Variants in FPGT observed in about 807,000 individuals in gnomAD.
FPGT encodes the protein fucose-1-phosphate guanylyltransferase.
Under a neutral mutation model 45.8 loss-of-function variants are expected in FPGT, and 41 were observed. That is an observed-to-expected ratio of 0.90 (90% CI 0.70 to 1.16). The LOEUF (loss-of-function observed/expected upper bound fraction) is 1.16. FPGT is among the 50% of genes most tolerant of loss of function. FPGT has a pLI of 0.00. For synonymous variants in FPGT, 292 were observed against 247.2 expected (o/e 1.18, Z -1.70); for missense variants, 755 against 689.1 (o/e 1.10, Z -1.07).
rs753129487 is a variant in FPGT, at chr1:74,198,394, A to G, written c.82+34A>G. 10 of 1,612,320 alleles carry G rather than the reference A, an allele frequency of 6.2e-6. No individual in the cohort carries two copies. In the African/African-American group the frequency reaches 6.7e-5, roughly 11 times the overall value. On this transcript the variant is annotated intron_variant, in intron 1 of 3. Transcript: ENST00000370898. ...GAAGGCACCGGAGTTCTCCTGGGCAATGCAGAGGGAGGGTGCTTTTACGTG... is the reference window on the plus strand; with the variant it reads ...GAAGGCACCGGAGTTCTCCTGGGCAGTGCAGAGGGAGGGTGCTTTTACGTG...
In FPGT at chr1:74,204,931, G is replaced by A; in HGVS notation, c.884G>A (p.Ser295Asn). ...TTTTATGAAAAAATAGGCACACTGA[G>A]CTGTGAAATAGATGCCTATGGTGAC... ...LAFYEKIGTLSCEIDAYGDFL... is the reference protein window; with the variant it reads ...LAFYEKIGTLNCEIDAYGDFL... Residue 295 changes from serine (S) to asparagine (N), a missense_variant, in exon 4 of 4, where the codon AGC becomes AAC. Coordinates refer to ENST00000370898, the MANE Select transcript of FPGT (RefSeq NM_003838.5). 2 of 1,614,048 alleles carry A rather than the reference G, an allele frequency of 1.2e-6. No homozygotes were observed. Among genetic ancestry groups the A allele is most frequent in the Non-Finnish European group, 1.7e-6 (2 of 1,179,962 alleles).
At chr1:74,204,103 T>C (rs1652056410) in intron 3 of FPGT, among the ~76,000 whole-genome samples, 1 of 152,068 alleles carries the variant, frequency 6.6e-6, no homozygotes, top group Non-Finnish European at 1.5e-5. Flanking sequence ...TTCTTATTTG[T>C]TATACATGTA....
In FPGT at chr1:74,205,164, A is replaced by G. The variant is rs142921883; in HGVS notation, c.1117A>G (p.Asn373Asp). ...EEYLFYFTSD[N>D]SLKSELGLQS... ...ATATTTGTTTTACTTTACCTCAGAT[A>G]ACAGTTTAAAGTCAGAGCTCGGCTT... Residue 373 changes from asparagine to aspartate, a missense_variant, in exon 4 of 4, where the codon AAC (asparagine) becomes GAC (aspartate). By Grantham distance (23) the Asn-to-Asp change is conservative (BLOSUM62 1). Coordinates refer to ENST00000370898, the MANE Select transcript of FPGT (RefSeq NM_003838.5). 2.5e-6 allele frequency: 4 copies of G among 1,613,362 alleles called. No individual in the cohort carries two copies. In the African/African-American group the frequency reaches 4.0e-5, roughly 16 times the overall value.
Position 74,202,198 on chromosome 1 carries a change from T to G in FPGT, c.343+788T>G, listed in dbSNP as rs1465142487. On this transcript the variant is annotated intron_variant, in intron 3 of 3. Transcript: ENST00000370898. ...TAGTTGTGTGAAAATTTTGGTTACATGAAAACCTTTGTTGTTTTTCTATGT... is the reference window on the plus strand; with the variant it reads ...TAGTTGTGTGAAAATTTTGGTTACAGGAAAACCTTTGTTGTTTTTCTATGT... 3.3e-5 allele frequency among the ~76,000 whole-genome samples: 5 copies of G among 152,232 alleles called. No individual in the cohort carries two copies. In the East Asian group the frequency reaches 9.6e-4, roughly 29 times the overall value.
chr1:74,201,620 T>G (rs1417123426), intron 3 of FPGT, among the ~76,000 whole-genome samples: 1 of 152,230 alleles, frequency 6.6e-6, no homozygotes, highest in African/African-American at 2.4e-5. Context: ...CTCGTAAAAT[T>G]GTAGATCACG....
At position 74,204,917 on chromosome 1, in the gene FPGT, A is replaced by T. The variant is rs201427641; in HGVS notation, c.870A>T (p.Lys290Asn). 1.2e-6 allele frequency: 2 copies of T among 1,613,942 alleles called. No homozygotes were observed. Among genetic ancestry groups the T allele is most frequent in the South Asian group, 1.1e-5 (1 of 91,056 alleles). The change falls in exon 4 of 4, where the codon AAA becomes AAT. Residue 290 changes from lysine (K) to asparagine (N), a missense_variant. Physicochemically the swap from Lys to Asn is moderately conservative, Grantham distance 94 (BLOSUM62 0). Transcript: ENST00000370898. ...SAKMLLAFYE[K>N]IGTLSCEIDA... ...AAATGTTACTTGCTTTTTATGAAAAAATAGGCACACTGAGCTGTGAAATAG... is the reference window on the plus strand; with the variant it reads ...AAATGTTACTTGCTTTTTATGAAAATATAGGCACACTGAGCTGTGAAATAG...
In FPGT at chr1:74,199,736, C is replaced by G; in HGVS notation, c.155C>G (p.Ala52Gly). 6.2e-7 allele frequency: 1 copy of G among 1,614,090 alleles called. No homozygotes were observed. Among genetic ancestry groups the G allele is most frequent in the Non-Finnish European group, 8.5e-7 (1 of 1,180,000 alleles). Reference sequence around the variant, plus strand: ...GCGGCTGATGAAAAACAGGAACTTGCTTACAACCAACAGCTGTCAGAAAAG... The same window carrying G: ...GCGGCTGATGAAAAACAGGAACTTGGTTACAACCAACAGCTGTCAGAAAAG... Reference protein sequence around the residue: ...ITAADEKQELAYNQQLSEKLK... With the variant: ...ITAADEKQELGYNQQLSEKLK... Residue 52 changes from alanine to glycine, a missense_variant, in exon 2 of 4, where the codon GCT (alanine) becomes GGT (glycine). By Grantham distance (60) the Ala-to-Gly change is moderately conservative. Transcript: ENST00000370898.
At chr1:74,198,522 C>A (rs952027028) in intron 1 of FPGT, 162 bp downstream of exon 1, 9 of 921,244 alleles carry the variant, frequency 9.8e-6, no homozygotes, top group South Asian at 3.3e-5. Flanking sequence ...GTTTTTTATT[C>A]TTTTCACTGT....
rs374701961 is a variant in FPGT, at chr1:74,204,710, C to T, written c.663C>T (p.Tyr221=). 3.1e-6 allele frequency: 5 copies of T among 1,612,470 alleles called. No homozygotes were observed. The highest frequency in any genetic ancestry group is 4.2e-6 in the Non-Finnish European group (5 of 1,178,530). ...ATTTAAAACATAGAGACCTTGAATA[C>T]AGGTCTTGCCATCGTTTCCTTCATA... The part of the protein sequence containing the change: ...FDDLKHRDLE[Y]RSCHRFLHKP... The change falls in exon 4 of 4, where the codon TAC becomes TAT. Residue 221 remains tyrosine (Y), a synonymous_variant. Transcript: ENST00000370898.
chr1:74,203,141 G>A (rs1651946889), intron 3 of FPGT, among the ~76,000 whole-genome samples: 1 of 152,090 alleles, frequency 6.6e-6, no homozygotes, highest in African/African-American at 2.4e-5. Flanking sequence ...ATAATTGTAT[G>A]TTCTGTAGTT....
Position 74,198,343 on chromosome 1 carries a change from G to A in FPGT, c.65G>A (p.Arg22Lys). The part of the protein sequence containing the change: ...LREATQRKLR[R>K]FSELRGKLVA... ...GAAGCCACCCAGCGAAAATTGCGGAGGTTTTCCGAGCTAAGAGGTACCAGA... is the reference window on the plus strand; with the variant it reads ...GAAGCCACCCAGCGAAAATTGCGGAAGTTTTCCGAGCTAAGAGGTACCAGA... Residue 22 changes from arginine to lysine, a missense_variant, in exon 1 of 4, where the codon AGG becomes AAG. Coordinates refer to ENST00000370898, the MANE Select transcript of FPGT (RefSeq NM_003838.5). The A allele has an allele frequency of 6.2e-7, 1 of 1,614,158 alleles. No individual in the cohort carries two copies. The highest frequency in any genetic ancestry group is 8.5e-7 in the Non-Finnish European group (1 of 1,180,026).
rs894558123 is a variant in FPGT, at chr1:74,204,275, TA to T, written c.344-113del. The stretch of plus-strand genomic sequence containing the variant: ...ATTTGCAGTAACAAGTGGCATATAT[TA>T]AATATCGTTAAATATATTTTGATTT... On this transcript the variant is annotated intron_variant, in intron 3 of 3. Transcript: ENST00000370898. 5.0e-6 allele frequency: 3 copies of T among 598,834 alleles called. No individual in the cohort carries two copies. The African/African-American group carries it at 5.7e-5, about 11-fold the overall frequency. 37.1% of individuals were successfully genotyped at this position (598,834 alleles called of 1,614,324 possible).
intron 3 of FPGT, among the ~76,000 whole-genome samples, chr1:74,203,447 G>A (rs966503610): frequency 6.6e-5 from 10 of 151,274 alleles, no homozygotes; most frequent in Non-Finnish European, 1.5e-4. Flanking sequence ...GGAGTGCAGT[G>A]GCACGATCTC....
chr1:74,205,202 T>G lies in FPGT; in HGVS notation c.1155T>G (p.Thr385=). Residue 385 remains threonine, a synonymous_variant, in exon 4 of 4, where the codon ACT becomes ACG. Coordinates refer to ENST00000370898, the MANE Select transcript of FPGT (RefSeq NM_003838.5). ...LKSELGLQSI[T]FSIFPDIPEC... is the part of the protein sequence containing the mutation. ...CAGAGCTCGGCTTACAGTCCATAAC[T>G]TTTAGTATCTTTCCAGATATACCAG... 6.2e-7 allele frequency: 1 copy of G among 1,613,984 alleles called. No homozygotes were observed.
chr1:74,201,500 C>G, intron 3 of FPGT, 90 bp downstream of exon 3: 1 of 769,646 alleles, frequency 1.3e-6, no homozygotes, highest in Non-Finnish European at 2.0e-6. Flanking sequence ...AAACACTTTC[C>G]TTCTTTTTTA....
rs1651399364 is a variant in FPGT, at chr1:74,198,310, C to T, written c.32C>T (p.Ser11Leu). Residue 11 changes from serine (S) to leucine (L), a missense_variant, in exon 1 of 4, where the codon TCG becomes TTG. Physicochemically the swap from Ser to Leu is moderately radical, Grantham distance 145 (BLOSUM62 -2). Transcript: ENST00000370898. ...GCTGCTAGGGACCCTCCGGAAGTAT[C>T]GCTGCGAGAAGCCACCCAGCGAAAA... MAAARDPPEV[S>L]LREATQRKLR... The T allele has an allele frequency of 6.2e-7, 1 of 1,614,120 alleles. No individual in the cohort carries two copies. Among genetic ancestry groups the T allele is most frequent in the Non-Finnish European group, 8.5e-7 (1 of 1,180,022 alleles).
At chr1:74,203,458 C>T (rs548358068) in intron 3 of FPGT, among the ~76,000 whole-genome samples, 138 of 151,678 alleles carry the variant, frequency 9.1e-4, no homozygotes, top group African/African-American at 3.3e-3. Context: ...GCACGATCTC[C>T]GCTCACTGCT....
At position 74,207,273 on chromosome 1, in the gene FPGT, GT is replaced by G. The variant is rs1248152085; in HGVS notation, c.*1446del. 6.6e-6 allele frequency: 1 copy of G among 151,894 alleles called. No homozygotes were observed. The highest frequency in any genetic ancestry group is 1.5e-5 in the Non-Finnish European group (1 of 67,926). The allele number at this position is 151,894 out of a possible 1,614,324, so 9.4% of individuals were successfully genotyped here. ...TATTTATTGGAGAGCTCTTTTAGATGTTTTTAAATACAGATTTTTATTTAAC... is the reference window on the plus strand; with the variant it reads ...TATTTATTGGAGAGCTCTTTTAGATGTTTTAAATACAGATTTTTATTTAAC... On this transcript the variant is annotated 3_prime_UTR_variant, in exon 4 of 4. Transcript: ENST00000370898.
chr1:74,204,230 G>A (rs945314070), intron 3 of FPGT, among the ~76,000 whole-genome samples, 161 bp from the exon 4 acceptor site: 1 of 151,900 alleles, frequency 6.6e-6, no homozygotes, highest in Non-Finnish European at 1.5e-5. Context: ...TTTTAATTTG[G>A]ATTTCATTAT....
Sources: gnomAD v4.1 joint callset for allele counts (sites outside exome capture counted in the v4.1 genomes callset) on GRCh38, gnomAD v4.1.1 for gene constraint, MANE v1.5 for transcripts, NCBI Gene and HGNC (gene_info 2026-07-23, HGNC 2026-07-21) for gene names.